The following ROBO2 variants were observed in gnomAD, a reference collection of about 807,000 sequenced individuals.
ROBO2 encodes roundabout homolog 2.
In ROBO2, 53 loss-of-function variants were observed where a neutral mutation model predicts 160.8. That is an observed-to-expected ratio of 0.33 (90% CI 0.26 to 0.41). ROBO2 has a LOEUF of 0.41. ROBO2 is among the 10% of genes least tolerant of loss of function. The pLI is 1.00. For missense variants in ROBO2, 1,577 were observed against 1,722.4 expected, an observed-to-expected ratio of 0.92 and a Z score of 1.49; for synonymous variants, 664 against 611.7, an observed-to-expected ratio of 1.09 and a Z score of -1.26.
At chr3:76,709,169 G>T (rs1246725181) in intron 2 of ROBO2, among the ~76,000 whole-genome samples, 1 of 152,148 alleles carries the variant, frequency 6.6e-6, no homozygotes, top group East Asian at 1.9e-4. Context: ...TTGAAAATTA[G>T]ATATGCATTC....
At chr3:76,756,394 C>T (rs2060972077) in intron 2 of ROBO2, among the ~76,000 whole-genome samples, 1 of 151,766 alleles carries the variant, frequency 6.6e-6, no homozygotes, top group African/African-American at 2.4e-5. Flanking sequence ...AAAAAAGTAA[C>T]CTAGAATAAA....
At chr3:75,985,819 CTTAT>C (rs941183003) in intron 2 of ROBO2, among the ~76,000 whole-genome samples, 2 of 151,534 alleles carry the variant, frequency 1.3e-5, no homozygotes. Context: ...TTGTTATTGG[CTTAT>C]TTAATTTAGC....
At chr3:76,576,279 T>C (rs1475188477) in intron 2 of ROBO2, among the ~76,000 whole-genome samples, 2 of 152,128 alleles carry the variant, frequency 1.3e-5, no homozygotes, top group Non-Finnish European at 1.5e-5. Flanking sequence ...TACACTGATA[T>C]GAGCCCTTCT....
rs149390367 is a variant in ROBO2, at chr3:76,031,107, G to A, written c.109+93505G>A. Among the ~76,000 whole-genome samples the A allele has an allele frequency of 1.7e-3, 266 of 152,240 alleles. 1 individual carries two copies. The highest frequency in any genetic ancestry group is 3.0e-3 in the Non-Finnish European group (206 of 68,026). ...CATCCCTTGTGAATTGGATTCTTAG[G>A]TATTTTATTCTCTTCATAGCAGTTG... is the stretch of plus-strand genomic sequence containing the variant. On this transcript the variant is annotated intron_variant, in intron 2 of 26. Transcript: ENST00000487694.
chr3:76,044,706 A>G (rs1159965982), intron 2 of ROBO2, among the ~76,000 whole-genome samples: 1 of 152,040 alleles, frequency 6.6e-6, no homozygotes, highest in Non-Finnish European at 1.5e-5. Flanking sequence ...AAAAACTCAT[A>G]GGAATGTGCA....
At chr3:75,943,669 T>C (rs1160662973) in intron 2 of ROBO2, among the ~76,000 whole-genome samples, 1 of 152,144 alleles carries the variant, frequency 6.6e-6, no homozygotes, top group Non-Finnish European at 1.5e-5. Flanking sequence ...GTGAGAAATA[T>C]ATAAACTAAG....
intron 5 of ROBO2, 59 bp downstream of exon 5, chr3:77,493,441 A>G: frequency 1.3e-6 from 2 of 1,581,046 alleles, no homozygotes; most frequent in Non-Finnish European, 8.7e-7. Flanking sequence ...TAGAAAATAA[A>G]AGGACAGCTA....
intron 2 of ROBO2, among the ~76,000 whole-genome samples, chr3:76,135,477 A>G (rs1483883320): frequency 6.6e-6 from 1 of 152,030 alleles, no homozygotes; most frequent in Non-Finnish European, 1.5e-5. Context: ...ATAATTTCAC[A>G]AGGTGCTTTA....
At chr3:76,959,995 CT>C (rs2079534958) in intron 2 of ROBO2, among the ~76,000 whole-genome samples, 1 of 151,580 alleles carries the variant, frequency 6.6e-6, no homozygotes, top group African/African-American at 2.4e-5. Context: ...CTTGAAAATA[CT>C]TTCTTAATGG....
chr3:77,033,924 G>A (rs996479497), intron 2 of ROBO2, among the ~76,000 whole-genome samples: 40 of 151,860 alleles, frequency 2.6e-4, no homozygotes, highest in African/African-American at 9.4e-4. Flanking sequence ...CGTTAAAACT[G>A]AAAGCAATCC....
At chr3:76,999,511 C>G (rs2061224409) in intron 2 of ROBO2, among the ~76,000 whole-genome samples, 1 of 152,064 alleles carries the variant, frequency 6.6e-6, no homozygotes, top group Non-Finnish European at 1.5e-5. Flanking sequence ...TGTAGGACTC[C>G]TTGTTAAAAT....
chr3:77,578,184 T>C (rs1383873411), intron 15 of ROBO2, among the ~76,000 whole-genome samples: 1 of 152,162 alleles, frequency 6.6e-6, no homozygotes, highest in African/African-American at 2.4e-5. Context: ...TTTCAACTGA[T>C]GAATTTTTGG....
chr3:77,551,028 G>T, intron 8 of ROBO2, 39 bp downstream of exon 9: 1 of 1,600,790 alleles, frequency 6.2e-7, no homozygotes. Context: ...TGAAAACATT[G>T]ATTTTTATTT....
intron 2 of ROBO2, among the ~76,000 whole-genome samples, chr3:76,451,259 G>A (rs181402157): frequency 3.3e-5 from 5 of 152,212 alleles, no homozygotes; most frequent in African/African-American, 1.2e-4. Context: ...CTGAATATTG[G>A]TAAATGCTAG....
chr3:77,390,498 G>A (rs1278204629), intron 2 of ROBO2, among the ~76,000 whole-genome samples: 2 of 151,870 alleles, frequency 1.3e-5, no homozygotes, highest in Non-Finnish European at 2.9e-5. Context: ...ATAGAGGGAA[G>A]TTTCCCTACA....
intron 1 of ROBO2, among the ~76,000 whole-genome samples, chr3:77,076,326 G>T (rs1220729512): frequency 6.6e-6 from 1 of 151,976 alleles, no homozygotes; most frequent in Non-Finnish European, 1.5e-5. Flanking sequence ...TAATTAGACT[G>T]GCTTTTAAAT....
At chr3:76,792,447 A>G (rs2063423568) in intron 2 of ROBO2, among the ~76,000 whole-genome samples, 1 of 151,728 alleles carries the variant, frequency 6.6e-6, no homozygotes, top group Non-Finnish European at 1.5e-5. Context: ...TAGATAACGA[A>G]TACTGTACGA....
rs140642720 is a variant in ROBO2, at chr3:77,177,164, A to C, written c.388+78824A>C. Among the ~76,000 whole-genome samples, 1,177 of 152,154 alleles carry C rather than the reference A, an allele frequency of 7.7e-3. 18 individuals carry two copies. Among genetic ancestry groups the C allele is most frequent in the African/African-American group, 0.027 (1,122 of 41,548 alleles). ...ATTGATTAGAATTTTATAATATAAA[A>C]ATGCAGCCAAAATATTTTGAGTTTT... On this transcript the variant is annotated intron_variant, in intron 2 of 25. Transcript: ENST00000461745.
intron 2 of ROBO2, among the ~76,000 whole-genome samples, chr3:76,646,837 T>C (rs1208763066): frequency 1.3e-5 from 2 of 152,082 alleles, no homozygotes; most frequent in Non-Finnish European, 2.9e-5. Flanking sequence ...AACTGTTAAC[T>C]AGATAAAAAG....
Sources: allele counts gnomAD v4.1 joint callset (sites outside exome capture counted in the v4.1 genomes callset), GRCh38; gene constraint gnomAD v4.1.1; transcripts MANE v1.5; gene names NCBI Gene and HGNC (gene_info 2026-07-23, HGNC 2026-07-21).